MGAT4C: variants seen among roughly 807,000 people sequenced by gnomAD.
MGAT4C encodes MGAT4 family member C, also known as alpha-1,3-mannosyl-glycoprotein 4-beta-N-acetylglucosaminyltransferase C.
MGAT4C carries 19 observed loss-of-function variants against 40.1 expected under a neutral mutation model. The ratio of observed to expected loss-of-function variants is 0.47; its 90% CI spans 0.33 to 0.70. MGAT4C has a LOEUF of 0.70. Among genes scored for constraint, MGAT4C ranks in the 30% least tolerant of loss-of-function variants. MGAT4C has a pLI of 0.02. For missense variants in MGAT4C, 491 were observed against 563.2 expected, an observed-to-expected ratio of 0.87 and a Z score of 1.30; for synonymous variants, 181 against 187.1, an observed-to-expected ratio of 0.97 and a Z score of 0.27.
At chr12:86,751,556 C>T in intron 1 of MGAT4C, among the ~76,000 whole-genome samples, 1 of 152,024 alleles carries the variant, frequency 6.6e-6, no homozygotes, top group East Asian at 1.9e-4. Flanking sequence ...GACAGACTAG[C>T]TTTGAATTTA....
chr12:86,131,918 G>T (rs1881245971), intron 1 of MGAT4C, among the ~76,000 whole-genome samples: 1 of 151,924 alleles, frequency 6.6e-6, no homozygotes, highest in South Asian at 2.1e-4. Flanking sequence ...TAATTCAATT[G>T]TAAGAATCAA....
chr12:86,420,826 T>G (rs1251768564), intron 3 of MGAT4C, among the ~76,000 whole-genome samples: 2 of 149,498 alleles, frequency 1.3e-5, no homozygotes, highest in African/African-American at 4.9e-5. Flanking sequence ...TGTGTGTGTA[T>G]GTATACATAC....
At chr12:86,165,451 G>A (rs569597844) in intron 1 of MGAT4C, among the ~76,000 whole-genome samples, 99 of 152,074 alleles carry the variant, frequency 6.5e-4, no homozygotes, top group Non-Finnish European at 1.1e-3. Flanking sequence ...GAATATCAAA[G>A]TCTGTCTATG....
At chr12:86,438,957 G>T (rs975913830) in intron 2 of MGAT4C, among the ~76,000 whole-genome samples, 1 of 151,850 alleles carries the variant, frequency 6.6e-6, no homozygotes, top group African/African-American at 2.4e-5. Flanking sequence ...TATATGCACT[G>T]TAGCTCCCAG....
In MGAT4C at chr12:86,791,308, A is replaced by G. The variant is rs1404772934; in HGVS notation, c.-262+47358T>C. 2.0e-5 allele frequency among the ~76,000 whole-genome samples: 3 copies of G among 152,204 alleles called. No homozygotes were observed. In the East Asian group the frequency reaches 5.8e-4, roughly 29 times the overall value. On this transcript the variant is annotated intron_variant, in intron 1 of 7. Coordinates refer to the MGAT4C transcript ENST00000548651. ...ACAACTAGAATATCATAAGTATTTG[A>G]GGTTCCCATGATATATCCAAACACC...
chr12:86,263,541 G>A (rs1399491284), intron 4 of MGAT4C, among the ~76,000 whole-genome samples: 1 of 152,090 alleles, frequency 6.6e-6, no homozygotes, highest in Non-Finnish European at 1.5e-5. Flanking sequence ...ACTCCATTGT[G>A]TATATATGCC....
chr12:86,254,032 CTCT>C (rs1308942148), intron 1 of MGAT4C, among the ~76,000 whole-genome samples: 1 of 151,818 alleles, frequency 6.6e-6, no homozygotes, highest in Non-Finnish European at 1.5e-5. Context: ...TTTTTTCCAT[CTCT>C]TCTTAATACT....
At chr12:86,371,227 T>C (rs1955709066) in intron 3 of MGAT4C, among the ~76,000 whole-genome samples, 1 of 152,000 alleles carries the variant, frequency 6.6e-6, no homozygotes, top group Non-Finnish European at 1.5e-5. Context: ...TTCTGTCTAT[T>C]GGTGTGCATT....
At chr12:86,320,721 CA>C (rs934373947) in intron 4 of MGAT4C, among the ~76,000 whole-genome samples, 2 of 151,764 alleles carry the variant, frequency 1.3e-5, no homozygotes, top group East Asian at 1.9e-4. Context: ...TACAGCCTCT[CA>C]AAAAAACCCA....
At chr12:86,584,055 ACG>A (rs1960902453) in intron 2 of MGAT4C, among the ~76,000 whole-genome samples, 1 of 150,922 alleles carries the variant, frequency 6.6e-6, no homozygotes, top group Admixed American at 6.6e-5. Context: ...AATAACAAGG[ACG>A]ATATATAAAA....
At chr12:86,241,415 T>TA (rs1470370967) in intron 1 of MGAT4C, among the ~76,000 whole-genome samples, 1 of 152,158 alleles carries the variant, frequency 6.6e-6, no homozygotes, top group African/African-American at 2.4e-5. Flanking sequence ...AATTCTAATG[T>TA]AAAAAAGGAT....
chr12:86,226,796 T>C (rs1397714326), intron 1 of MGAT4C, among the ~76,000 whole-genome samples: 1 of 151,940 alleles, frequency 6.6e-6, no homozygotes, highest in African/African-American at 2.4e-5. Flanking sequence ...TCAAAAGTTT[T>C]TAAATTCTCT....
At chr12:86,740,467 A>G (rs1951051298) in intron 1 of MGAT4C, among the ~76,000 whole-genome samples, 1 of 151,250 alleles carries the variant, frequency 6.6e-6, no homozygotes, top group Non-Finnish European at 1.5e-5. Flanking sequence ...AACCAAAAAG[A>G]TAATAGAGGG....
At chr12:86,044,221 C>T (rs1892165104) in intron 2 of MGAT4C, among the ~76,000 whole-genome samples, 1 of 152,136 alleles carries the variant, frequency 6.6e-6, no homozygotes. Context: ...GTTCTCAGGA[C>T]CCTCAAGGTT....
Position 86,495,090 on chromosome 12 carries a change from C to A in MGAT4C, c.-228-59825G>T, listed in dbSNP as rs113216882. 3.3e-3 allele frequency among the ~76,000 whole-genome samples: 498 copies of A among 152,176 alleles called. 2 individuals are homozygous for A. The highest frequency in any genetic ancestry group is 0.012 in the African/African-American group (481 of 41,540). On this transcript the variant is annotated intron_variant, in intron 2 of 7. Transcript: ENST00000548651. Reference sequence around the variant, plus strand: ...GAATATACACTAAAGTTACTCTTAACCACTGCTCACTCTAAACATTAGAAA... The same window carrying A: ...GAATATACACTAAAGTTACTCTTAAACACTGCTCACTCTAAACATTAGAAA...
At chr12:86,556,634 A>C (rs1959624504) in intron 2 of MGAT4C, among the ~76,000 whole-genome samples, 1 of 152,192 alleles carries the variant, frequency 6.6e-6, no homozygotes. Context: ...TAATGCATGC[A>C]GTAATTATTG....
At chr12:86,791,993 CT>C (rs1160659296) in intron 1 of MGAT4C, among the ~76,000 whole-genome samples, 2 of 152,166 alleles carry the variant, frequency 1.3e-5, no homozygotes, top group Non-Finnish European at 2.9e-5. Context: ...GCATGTGCAC[CT>C]AACTTTTTCT....
intron 4 of MGAT4C, among the ~76,000 whole-genome samples, chr12:86,306,342 A>G (rs1158640790): frequency 6.6e-6 from 1 of 150,584 alleles, no homozygotes; most frequent in Non-Finnish European, 1.5e-5. Context: ...CAATGTGTAT[A>G]TAATAAAAAA....
intron 1 of MGAT4C, among the ~76,000 whole-genome samples, chr12:86,736,125 G>T (rs1259209809): frequency 6.6e-6 from 1 of 151,754 alleles, no homozygotes; most frequent in Non-Finnish European, 1.5e-5. Context: ...TTAATTCACA[G>T]TTGAAGACCT....
Sources: gnomAD v4.1 joint callset for allele counts (sites outside exome capture counted in the v4.1 genomes callset) on GRCh38, gnomAD v4.1.1 for gene constraint, MANE v1.5 for transcripts, NCBI Gene and HGNC (gene_info 2026-07-23, HGNC 2026-07-21) for gene names.